The following RAPGEF5 variants were observed in gnomAD, a reference collection of about 807,000 sequenced individuals.
RAPGEF5 encodes Rap guanine nucleotide exchange factor 5, also known as M-Ras-regulated GEF.
Under a neutral mutation model 125.2 loss-of-function variants are expected in RAPGEF5, and 65 were observed. That is an observed-to-expected ratio of 0.52 (90% CI 0.43 to 0.64). RAPGEF5 has a LOEUF of 0.64. Ranked by LOEUF, RAPGEF5 falls within the 30% of genes least tolerant of loss-of-function variation. The pLI is 0.00. For missense variants in RAPGEF5, 958 were observed against 1,048.1 expected (o/e 0.91, Z 1.19); for synonymous variants, 391 against 385.9 (o/e 1.01, Z -0.16).
rs759346798 is a variant in RAPGEF5 at position 22,122,467 on chromosome 7, T to C, written c.2591A>G (p.Tyr864Cys). The C allele has an allele frequency of 6.2e-6, 10 of 1,613,822 alleles. No individual in the cohort carries two copies. The African/African-American group carries it at 8.0e-5, about 13-fold the overall frequency. ...CAGAGCCTGCTGGCTGTCAATGACA[T>C]ACAGGTGATTAACATAGGACTTTAA... ...QELKSYVNHL[Y>C]VIDSQQALFE... The change falls in exon 26 of 26, where the codon TAT (tyrosine) becomes TGT (cysteine). Residue 864 changes from tyrosine (Y) to cysteine (C), a missense_variant. Transcript: ENST00000665637.
At chr7:22,288,723 C>G (rs938882750) in intron 6 of RAPGEF5, among the ~76,000 whole-genome samples, 1 of 152,012 alleles carries the variant, frequency 6.6e-6, no homozygotes, top group Non-Finnish European at 1.5e-5. Context: ...GGGGTTTCAC[C>G]GTGTTAGCCA....
intron 5 of RAPGEF5, among the ~76,000 whole-genome samples, chr7:22,304,587 A>C (rs1248414670): frequency 2.0e-5 from 3 of 152,216 alleles, no homozygotes; most frequent in Non-Finnish European, 4.4e-5. Context: ...GGTGGAGTTA[A>C]ATCACGAGGA....
chr7:22,138,021 A>ACACACACACGCACGCACG (rs1400373815), intron 21 of RAPGEF5, among the ~76,000 whole-genome samples: 6 of 151,442 alleles, frequency 4.0e-5, no homozygotes, highest in African/African-American at 7.3e-5. Flanking sequence ...ACACACACAC[A>ACACACACACGCACGCACG]CACACACACA....
chr7:22,251,439 T>A (rs1255113393), intron 7 of RAPGEF5, among the ~76,000 whole-genome samples: 1 of 152,154 alleles, frequency 6.6e-6, no homozygotes, highest in Non-Finnish European at 1.5e-5. Flanking sequence ...CTGGGTGGCA[T>A]GTATCACAGA....
At chr7:22,268,108 C>T (rs1361566447) in intron 6 of RAPGEF5, among the ~76,000 whole-genome samples, 7 of 152,312 alleles carry the variant, frequency 4.6e-5, no homozygotes, top group Non-Finnish European at 1.0e-4. Flanking sequence ...GTCTTTATTG[C>T]TGCACTTTCC....
At chr7:22,320,885 CT>C (rs1401008898) in intron 1 of RAPGEF5, among the ~76,000 whole-genome samples, 5 of 152,092 alleles carry the variant, frequency 3.3e-5, no homozygotes, top group African/African-American at 1.2e-4. Context: ...TCCTAATCTC[CT>C]TATCAATTTT....
At chr7:22,250,606 A>G (rs2128138170) in intron 7 of RAPGEF5, among the ~76,000 whole-genome samples, 1 of 152,290 alleles carries the variant, frequency 6.6e-6, no homozygotes, top group African/African-American at 2.4e-5. Context: ...CAGGACAAAG[A>G]TTTCCCTTGA....
intron 11 of RAPGEF5, among the ~76,000 whole-genome samples, chr7:22,189,271 C>T (rs1019210579): frequency 3.3e-4 from 50 of 152,000 alleles, no homozygotes; most frequent in Admixed American, 1.1e-3. Flanking sequence ...CCTGTCGTAA[C>T]ACAGATTCAG....
At chr7:22,266,711 CT>C (rs1443213987) in intron 7 of RAPGEF5, among the ~76,000 whole-genome samples, 1 of 152,106 alleles carries the variant, frequency 6.6e-6, no homozygotes, top group East Asian at 1.9e-4. Flanking sequence ...ATATTTTTAA[CT>C]TTAAATTTCA....
chr7:22,260,249 A>G (rs1285409812), intron 7 of RAPGEF5, among the ~76,000 whole-genome samples: 1 of 152,222 alleles, frequency 6.6e-6, no homozygotes, highest in African/African-American at 2.4e-5. Flanking sequence ...AATGTACAAC[A>G]TCAAGAGTGA....
At position 22,335,559 on chromosome 7, in the gene RAPGEF5, G is replaced by A. The variant is rs1159300844; in HGVS notation, c.232-17522C>T. On this transcript the variant is annotated intron_variant, in intron 1 of 25. Coordinates refer to ENST00000665637, the MANE Select transcript of RAPGEF5 (RefSeq NM_012294.5). The stretch of plus-strand genomic sequence containing the variant: ...TGGGCAGGTGCAGCCTGGGGACAAG[G>A]TGGGGTGGGTGGGGCATCTACTTCC... Among the ~76,000 whole-genome samples the A allele has an allele frequency of 2.6e-5, 4 of 151,866 alleles. No homozygotes were observed. The East Asian group carries it at 7.7e-4, about 29-fold the overall frequency.
chr7:22,162,250 A>G (rs1784024545), intron 13 of RAPGEF5, 147 bp downstream of exon 13: 2 of 870,244 alleles, frequency 2.3e-6, no homozygotes, highest in Non-Finnish European at 3.4e-6. Flanking sequence ...TCAGAAGTCA[A>G]AATAAACTTA....
intron 21 of RAPGEF5, among the ~76,000 whole-genome samples, chr7:22,137,993 T>A (rs183343291): frequency 6.8e-6 from 1 of 147,340 alleles, no homozygotes; most frequent in East Asian, 2.0e-4. Context: ...GGTAGTTTAA[T>A]CTGTTTGGAA....
chr7:22,167,066 A>G lies in RAPGEF5; in HGVS notation c.1283+4T>C. The stretch of plus-strand genomic sequence containing the variant: ...CACAGCAGCCTGAAGATAATGAAGG[A>G]TATTGCCTTAACAGAGCCTGGCACA... On this transcript the variant is annotated splice_donor_region_variant and intron_variant, in intron 12 of 25. Transcript: ENST00000665637. 1 of 1,604,512 alleles carries G rather than the reference A, an allele frequency of 6.2e-7. No individual in the cohort carries two copies. Among genetic ancestry groups the G allele is most frequent in the Non-Finnish European group, 8.5e-7 (1 of 1,171,736 alleles).
chr7:22,202,195 G>C (rs1048862621), intron 9 of RAPGEF5, among the ~76,000 whole-genome samples: 1 of 152,132 alleles, frequency 6.6e-6, no homozygotes, highest in African/African-American at 2.4e-5. Context: ...TCAGATCTAG[G>C]CTAAGTCTGA....
chr7:22,174,472 A>C (rs992770350), intron 11 of RAPGEF5, among the ~76,000 whole-genome samples: 15 of 152,182 alleles, frequency 9.9e-5, no homozygotes, highest in African/African-American at 3.6e-4. Context: ...CAACTTGCCT[A>C]CTTTATGCAG....
chr7:22,190,246 T>C (rs1784950700), intron 11 of RAPGEF5, among the ~76,000 whole-genome samples: 1 of 138,816 alleles, frequency 7.2e-6, no homozygotes, highest in South Asian at 2.3e-4. Flanking sequence ...TACTCCAGCC[T>C]GGGTGACAGA....
At chr7:22,340,897 G>A (rs1416209464) in intron 1 of RAPGEF5, among the ~76,000 whole-genome samples, 1 of 152,184 alleles carries the variant, frequency 6.6e-6, no homozygotes, top group Non-Finnish European at 1.5e-5. Flanking sequence ...CTGGAGAAAT[G>A]ACCAGAAAGA....
At chr7:22,194,283 A>G (rs971055076) in intron 9 of RAPGEF5, among the ~76,000 whole-genome samples, 3 of 152,216 alleles carry the variant, frequency 2.0e-5, no homozygotes, top group Non-Finnish European at 4.4e-5. Flanking sequence ...ATAGAAAACA[A>G]AGTGGAGGTG....
Sources: gnomAD v4.1 joint callset for allele counts (sites outside exome capture counted in the v4.1 genomes callset) on GRCh38, gnomAD v4.1.1 for gene constraint, MANE v1.5 for transcripts, NCBI Gene and HGNC (gene_info 2026-07-23, HGNC 2026-07-21) for gene names.